MOCOS: variants seen among roughly 807,000 people sequenced by gnomAD.
MOCOS encodes molybdenum cofactor sulfurase.
A neutral mutation model predicts 83.6 loss-of-function variants in MOCOS; 86 were observed. The ratio of observed to expected loss-of-function variants is 1.03; its 90% CI spans 0.86 to 1.23. The LOEUF (loss-of-function observed/expected upper bound fraction) is 1.23, where lower values mean the gene tolerates loss of function less well. Ranked by LOEUF, MOCOS falls within the 50% of genes most tolerant of loss-of-function variation. The pLI is 0.00. For synonymous variants in MOCOS, 445 were observed against 434.7 expected (o/e 1.02, Z -0.29); for missense variants, 1,120 against 1,126.9 (o/e 0.99, Z 0.09).
At chr18:36,216,877 T>A (rs1378720083) in intron 8 of MOCOS, among the ~76,000 whole-genome samples, 5 of 152,146 alleles carry the variant, frequency 3.3e-5, no homozygotes, top group Non-Finnish European at 7.4e-5. Flanking sequence ...ATGGGGTGTG[T>A]CTCCTGGGAT....
At chr18:36,241,981 AT>A (rs1277374256) in intron 9 of MOCOS, among the ~76,000 whole-genome samples, 1 of 152,102 alleles carries the variant, frequency 6.6e-6, no homozygotes, top group African/African-American at 2.4e-5. Context: ...CCGCGAAGCC[AT>A]TTTTTTCCTC....
intron 9 of MOCOS, among the ~76,000 whole-genome samples, chr18:36,239,926 T>C (rs2091574520): frequency 6.6e-6 from 1 of 151,904 alleles, no homozygotes. Context: ...GTTGATCACA[T>C]CAGCTCCTGA....
chr18:36,252,165 A>C (rs1451629027), intron 11 of MOCOS, among the ~76,000 whole-genome samples: 3 of 152,088 alleles, frequency 2.0e-5, no homozygotes, highest in African/African-American at 7.2e-5. Flanking sequence ...AATGATTACC[A>C]GTTTGTTCAG....
At chr18:36,203,740 C>T (rs1212896253) in intron 5 of MOCOS, among the ~76,000 whole-genome samples, 1 of 152,220 alleles carries the variant, frequency 6.6e-6, no homozygotes, top group Non-Finnish European at 1.5e-5. Context: ...GCTCTTTTGT[C>T]ACAGTAATGG....
intron 11 of MOCOS, among the ~76,000 whole-genome samples, chr18:36,255,177 T>C (rs2091637229): frequency 6.6e-6 from 1 of 152,230 alleles, no homozygotes; most frequent in African/African-American, 2.4e-5. Context: ...TTCCCATGAA[T>C]GACTGTCACT....
At chr18:36,248,824 A>G (rs954347827) in intron 9 of MOCOS, 98 bp from the exon 10 acceptor site, 1 of 943,876 alleles carries the variant, frequency 1.1e-6, no homozygotes, top group Non-Finnish European at 1.7e-6. Flanking sequence ...TGTCAGTACC[A>G]TGCTGTTTTG....
At chr18:36,189,515 G>A (rs1311470243) in intron 1 of MOCOS, among the ~76,000 whole-genome samples, 1 of 152,112 alleles carries the variant, frequency 6.6e-6, no homozygotes, top group Non-Finnish European at 1.5e-5. Context: ...CCCTCATGAA[G>A]TTTTTCTGCC....
At chr18:36,237,854 G>A (rs1775517055) in intron 9 of MOCOS, among the ~76,000 whole-genome samples, 1 of 149,168 alleles carries the variant, frequency 6.7e-6, no homozygotes, top group South Asian at 2.1e-4. Context: ...TCCTGGTTTA[G>A]TCTTGGGAGA....
In MOCOS at chr18:36,215,776, G is replaced by C; in HGVS notation, c.1596G>C (p.Gln532His). ...AVMGRRSLSP[Q>H]EDALTGSRVW... The stretch of plus-strand genomic sequence containing the variant: ...TGGGCAGACGTAGCCTCTCGCCTCA[G>C]GAAGATGCCCTCACAGGCTCCAGGG... The change falls in exon 8 of 15, where the codon CAG becomes CAC. Residue 532 changes from glutamine to histidine, a missense_variant. By Grantham distance (24) the Gln-to-His change is conservative (BLOSUM62 0). Coordinates refer to ENST00000261326, the MANE Select transcript of MOCOS (RefSeq NM_017947.4). The C allele has an allele frequency of 6.2e-7, 1 of 1,614,202 alleles. No homozygotes were observed.
chr18:36,223,214 A>G (rs1462582674), intron 9 of MOCOS, among the ~76,000 whole-genome samples: 2 of 152,176 alleles, frequency 1.3e-5, no homozygotes, highest in Non-Finnish European at 2.9e-5. Context: ...CAGGAGCTTT[A>G]CATTTTGGGA....
At chr18:36,218,892 G>A (rs1372354085) in intron 8 of MOCOS, among the ~76,000 whole-genome samples, 1 of 138,160 alleles carries the variant, frequency 7.2e-6, no homozygotes, top group African/African-American at 2.7e-5. Context: ...TTTTTGAGAT[G>A]AAGTCTCGCT....
At chr18:36,223,734 C>T (rs1307036145) in intron 9 of MOCOS, among the ~76,000 whole-genome samples, 1 of 152,166 alleles carries the variant, frequency 6.6e-6, no homozygotes, top group Non-Finnish European at 1.5e-5. Flanking sequence ...ACATGGAGTG[C>T]CTTTCCATTT....
chr18:36,233,822 T>C (rs187630273), intron 9 of MOCOS, among the ~76,000 whole-genome samples: 1 of 152,282 alleles, frequency 6.6e-6, no homozygotes, highest in Admixed American at 6.5e-5. Flanking sequence ...TGTTGGCCAT[T>C]TGTATATCTT....
intron 9 of MOCOS, among the ~76,000 whole-genome samples, chr18:36,240,838 C>A (rs62101264): frequency 2.6e-5 from 4 of 152,024 alleles, no homozygotes; most frequent in Admixed American, 6.5e-5. Context: ...TCTCGTGGTG[C>A]GCCGTTTTTT....
Position 36,205,272 on chromosome 18 carries a change from C to T in MOCOS, c.1214C>T (p.Ser405Phe), listed in dbSNP as rs2091430775. Residue 405 changes from serine to phenylalanine, a missense_variant, in exon 6 of 15, where the codon TCC becomes TTC. Coordinates refer to ENST00000261326, the MANE Select transcript of MOCOS (RefSeq NM_017947.4). ...GACAAAGGGAACATCATTGGTTACT[C>T]CCAGGTGGGTTTTCTTTCCATCCTG... is the stretch of plus-strand genomic sequence containing the variant. ...LDDKGNIIGY[S>F]QVDKMASLYN... 6.2e-7 allele frequency: 1 copy of T among 1,613,164 alleles called. No individual in the cohort carries two copies.
intron 6 of MOCOS, among the ~76,000 whole-genome samples, chr18:36,209,461 C>T (rs142273684): frequency 8.6e-5 from 13 of 151,966 alleles, no homozygotes; most frequent in Admixed American, 1.3e-4. Flanking sequence ...CACATTGTAC[C>T]CAATATGTAG....
intron 9 of MOCOS, among the ~76,000 whole-genome samples, chr18:36,240,792 T>C (rs1338346114): frequency 1.3e-5 from 2 of 152,094 alleles, no homozygotes; most frequent in East Asian, 1.9e-4. Context: ...CGAGACTCCA[T>C]GGGGTAGGAC....
At position 36,215,529 on chromosome 18, in the gene MOCOS, G is replaced by A; in HGVS notation, c.1349G>A (p.Cys450Tyr). ...CTCTTATCCTAGGCTGGTCATGTCT[G>A]TGGGGACAATATGGACCTCATAGAT... ...VRKHFQAGHV[C>Y]GDNMDLIDGQ... Residue 450 changes from cysteine to tyrosine, a missense_variant, in exon 8 of 15, where the codon TGT becomes TAT. Transcript: ENST00000261326. 6.2e-7 allele frequency: 1 copy of A among 1,614,012 alleles called. No homozygotes were observed. The highest frequency in any genetic ancestry group is 8.5e-7 in the Non-Finnish European group (1 of 1,179,976).
At chr18:36,237,740 C>A (rs1010681948) in intron 9 of MOCOS, among the ~76,000 whole-genome samples, 2 of 151,586 alleles carry the variant, frequency 1.3e-5, no homozygotes, top group Non-Finnish European at 2.9e-5. Context: ...TGGTAGAATT[C>A]GGCTGTGAAT....
Sources: allele counts gnomAD v4.1 joint callset (sites outside exome capture counted in the v4.1 genomes callset), GRCh38; gene constraint gnomAD v4.1.1; transcripts MANE v1.5; gene names NCBI Gene and HGNC (gene_info 2026-07-23, HGNC 2026-07-21).